Variants in NEURL1 observed in about 807,000 individuals in gnomAD.
NEURL1 encodes the protein E3 ubiquitin-protein ligase NEURL1.
Under a neutral mutation model 41.2 loss-of-function variants are expected in NEURL1, and 26 were observed. The ratio of observed to expected loss-of-function variants is 0.63; its 90% CI spans 0.46 to 0.87. NEURL1 has a LOEUF of 0.87. Among genes scored for constraint, NEURL1 ranks in the 40% least tolerant of loss-of-function variants. The pLI is 0.00. For missense variants in NEURL1, 761 were observed against 871.1 expected, an observed-to-expected ratio of 0.87 and a Z score of 1.59; for synonymous variants, 400 against 402.3, an observed-to-expected ratio of 0.99 and a Z score of 0.07.
intron 4 of NEURL1, among the ~76,000 whole-genome samples, chr10:103,585,427 G>C (rs2035899620): frequency 6.6e-6 from 1 of 152,150 alleles, no homozygotes; most frequent in Non-Finnish European, 1.5e-5. Context: ...TCACCTGGGG[G>C]GTGAGGCGAG....
At chr10:103,496,173 A>G (rs529521223) in intron 1 of NEURL1, among the ~76,000 whole-genome samples, 43 of 152,254 alleles carry the variant, frequency 2.8e-4, no homozygotes, top group African/African-American at 1.0e-3. Context: ...ATTGATACTA[A>G]GGAAGTGGAG....
intron 1 of NEURL1, among the ~76,000 whole-genome samples, chr10:103,565,676 A>C (rs537142310): frequency 1.3e-5 from 2 of 152,286 alleles, no homozygotes; most frequent in East Asian, 3.9e-4. Flanking sequence ...TTTTTGTTTG[A>C]GACAGGGTCT....
At chr10:103,539,201 C>T (rs1331048302) in intron 1 of NEURL1, among the ~76,000 whole-genome samples, 1 of 152,112 alleles carries the variant, frequency 6.6e-6, no homozygotes, top group Admixed American at 6.6e-5. Flanking sequence ...CTCACCTTGG[C>T]CTCCCAAATT....
At chr10:103,539,977 G>A (rs1057461568) in intron 1 of NEURL1, among the ~76,000 whole-genome samples, 7 of 152,202 alleles carry the variant, frequency 4.6e-5, no homozygotes, top group African/African-American at 1.7e-4. Context: ...GCAATGTTAT[G>A]TGGAAGATGG....
chr10:103,535,225 C>T (rs1007564128), intron 1 of NEURL1, among the ~76,000 whole-genome samples: 1 of 152,108 alleles, frequency 6.6e-6, no homozygotes, highest in Non-Finnish European at 1.5e-5. Flanking sequence ...AGAAACAGCA[C>T]AGTGATGACT....
rs188727373 is a variant in NEURL1, at chr10:103,553,128, T to G, written c.86-17744T>G. Among the ~76,000 whole-genome samples the G allele has an allele frequency of 9.1e-3, 1,380 of 152,254 alleles. 9 individuals are homozygous for G. The highest frequency in any genetic ancestry group is 0.013 in the Non-Finnish European group (877 of 68,000). On this transcript the variant is annotated intron_variant, in intron 1 of 5. Coordinates refer to ENST00000369780, the MANE Select transcript of NEURL1 (RefSeq NM_004210.5). ...GGCAGGGTGTGGAGGGTGACTCTGC[T>G]GCTACAGGAACAGCCTCCAAAGCAT... is the stretch of plus-strand genomic sequence containing the variant.
chr10:103,494,253 C>A lies in NEURL1; in HGVS notation c.-135C>A. Reference sequence around the variant, plus strand: ...AAAGGAAGCTGAGGAGCTGCCCGCCCGCCCCCGGCTGCAGCCCCAGCAGGG... The same window carrying A: ...AAAGGAAGCTGAGGAGCTGCCCGCCAGCCCCCGGCTGCAGCCCCAGCAGGG... On this transcript the variant is annotated 5_prime_UTR_variant, in exon 1 of 6. Transcript: ENST00000369780. The A allele has an allele frequency of 3.2e-6, 2 of 631,524 alleles. No individual in the cohort carries two copies. Among genetic ancestry groups the A allele is most frequent in the Non-Finnish European group, 5.2e-6 (2 of 385,760 alleles). 39.1% of individuals were successfully genotyped at this position (631,524 alleles called of 1,614,324 possible).
chr10:103,554,028 A>C (rs2035090896), intron 1 of NEURL1, among the ~76,000 whole-genome samples: 1 of 152,116 alleles, frequency 6.6e-6, no homozygotes, highest in East Asian at 1.9e-4. Context: ...CAGAACCTCC[A>C]CTTTCTTCTC....
At chr10:103,503,089 G>A (rs1049023700) in intron 1 of NEURL1, among the ~76,000 whole-genome samples, 2 of 152,238 alleles carry the variant, frequency 1.3e-5, no homozygotes, top group Admixed American at 6.5e-5. Context: ...AGCCTGGGCT[G>A]CCTTTTGGCC....
At chr10:103,581,673 T>G (rs938252171) in intron 3 of NEURL1, among the ~76,000 whole-genome samples, 4 of 152,180 alleles carry the variant, frequency 2.6e-5, no homozygotes, top group Admixed American at 2.0e-4. Context: ...GTTGCATTAT[T>G]AGAAGTATAG....
intron 1 of NEURL1, among the ~76,000 whole-genome samples, chr10:103,529,506 T>C (rs944969507): frequency 2.0e-5 from 3 of 152,202 alleles, no homozygotes; most frequent in African/African-American, 4.8e-5. Context: ...TTTTATTCCT[T>C]AAAGGAATCT....
chr10:103,586,674 A>T (rs2035930937), intron 4 of NEURL1, among the ~76,000 whole-genome samples: 1 of 152,264 alleles, frequency 6.6e-6, no homozygotes, highest in Non-Finnish European at 1.5e-5. Flanking sequence ...TTGTGAGAGC[A>T]TGAGAAATCA....
rs181809635 is a variant in NEURL1, at chr10:103,529,657, A to G, written c.85+35185A>G. Among the ~76,000 whole-genome samples the G allele has an allele frequency of 1.2e-3, 181 of 152,348 alleles. 1 individual carries two copies. Among genetic ancestry groups the G allele is most frequent in the African/African-American group, 4.3e-3 (177 of 41,584 alleles). On this transcript the variant is annotated intron_variant, in intron 1 of 5. Coordinates refer to ENST00000369780, the MANE Select transcript of NEURL1 (RefSeq NM_004210.5). Reference sequence around the variant, plus strand: ...TTGCCATAAGTTAAGAATACTCACAAATAGTTTCCAAATTCTGGAGAAATC... The same window carrying G: ...TTGCCATAAGTTAAGAATACTCACAGATAGTTTCCAAATTCTGGAGAAATC...
rs77406813 is a variant in NEURL1 at position 103,572,931 on chromosome 10, C to T, written c.649+1109C>T. On this transcript the variant is annotated intron_variant, in intron 3 of 5. Transcript: ENST00000369780. ...TATGCTCAAGCAACACTTTTTCCTT[C>T]GTCTCCCATCTCTACCCGCCTCTCC... 5.7e-3 allele frequency among the ~76,000 whole-genome samples: 861 copies of T among 151,902 alleles called. 1 individual carries two copies. The highest frequency in any genetic ancestry group is 0.031 in the Middle Eastern group (9 of 294).
At chr10:103,533,918 G>T (rs570628095) in intron 1 of NEURL1, among the ~76,000 whole-genome samples, 19 of 152,070 alleles carry the variant, frequency 1.2e-4, no homozygotes, top group African/African-American at 4.1e-4. Context: ...TGATCCACCC[G>T]CCTTGGCCTC....
intron 1 of NEURL1, among the ~76,000 whole-genome samples, chr10:103,496,864 C>T (rs966031726): frequency 2.0e-5 from 3 of 152,126 alleles, no homozygotes; most frequent in Admixed American, 1.3e-4. Context: ...TCTGTGGAAA[C>T]CCAGAGAGCT....
chr10:103,501,743 C>T (rs959455855), intron 1 of NEURL1, among the ~76,000 whole-genome samples: 2 of 151,966 alleles, frequency 1.3e-5, no homozygotes, highest in African/African-American at 2.4e-5. Flanking sequence ...AGTGATTCTC[C>T]TGCCCCAGCC....
chr10:103,533,576 G>A (rs540295157), intron 1 of NEURL1, among the ~76,000 whole-genome samples: 5 of 150,500 alleles, frequency 3.3e-5, no homozygotes, highest in East Asian at 2.0e-4. Flanking sequence ...TCACTCTGTC[G>A]CCCAGGCTGG....
chr10:103,575,076 G>A (rs923208691), intron 3 of NEURL1, among the ~76,000 whole-genome samples: 17 of 150,840 alleles, frequency 1.1e-4, no homozygotes, highest in African/African-American at 2.9e-4. Context: ...CTCCACCTTC[G>A]TTCACTGCCT....
Sources: allele counts gnomAD v4.1 joint callset (sites outside exome capture counted in the v4.1 genomes callset), GRCh38; gene constraint gnomAD v4.1.1; transcripts MANE v1.5; gene names NCBI Gene and HGNC (gene_info 2026-07-23, HGNC 2026-07-21).